NFIC: variants seen among roughly 807,000 people sequenced by gnomAD.
NFIC encodes the protein nuclear factor 1 C-type.
In NFIC, 12 loss-of-function variants were observed where a neutral mutation model predicts 54.4. The observed-to-expected ratio is 0.22, with a 90% confidence interval of 0.14 to 0.36. The LOEUF is 0.36. Ranked by LOEUF, NFIC falls within the 10% of genes least tolerant of loss-of-function variation. The pLI is 1.00. For synonymous variants in NFIC, 322 were observed against 319.2 expected, an observed-to-expected ratio of 1.01 and a Z score of -0.09; for missense variants, 575 against 718.2, an observed-to-expected ratio of 0.80 and a Z score of 2.28.
intron 2 of NFIC, among the ~76,000 whole-genome samples, chr19:3,388,950 A>G (rs972639276): frequency 1.3e-5 from 2 of 152,170 alleles, no homozygotes; most frequent in African/African-American, 4.8e-5. Context: ...GGTTGCAGCG[A>G]GCTGAGCTCA....
chr19:3,389,010 A>G (rs2081340606), intron 2 of NFIC, among the ~76,000 whole-genome samples: 1 of 152,130 alleles, frequency 6.6e-6, no homozygotes, highest in Non-Finnish European at 1.5e-5. Context: ...GTCTCCAATA[A>G]AAGGGAGGTG....
intron 1 of NFIC, among the ~76,000 whole-genome samples, chr19:3,372,937 C>A (rs867398601): frequency 2.6e-5 from 4 of 152,082 alleles, no homozygotes; most frequent in Non-Finnish European, 5.9e-5. Context: ...CTCCGCCTCC[C>A]GGGTTCAAGC....
At position 3,468,311 on chromosome 19, in the gene NFIC, C is replaced by G. The variant is rs1349700184; in HGVS notation, c.*5542C>G. 1 of 152,008 alleles carries G rather than the reference C, an allele frequency of 6.6e-6. No homozygotes were observed. The highest frequency in any genetic ancestry group is 6.6e-5 in the Admixed American group (1 of 15,216). The allele number at this position is 152,008 out of a possible 1,614,324, so 9.4% of individuals were successfully genotyped here. A position where few individuals can be genotyped will look rare whatever the true frequency, so the allele number is the denominator to read the frequency against. On this transcript the variant is annotated 3_prime_UTR_variant, in exon 11 of 11. Coordinates refer to ENST00000443272, the MANE Select transcript of NFIC (RefSeq NM_001245002.2). ...GAAGTCATGCACCCCCAAGCCACCA[C>G]CCCCCAGCCTTCCACGCACATCTCC...
chr19:3,466,042 AC>A lies in NFIC; in HGVS notation c.*3274del, dbSNP rs1449219418. The A allele has an allele frequency of 1.3e-5, 2 of 152,078 alleles. No individual in the cohort carries two copies. Among genetic ancestry groups the A allele is most frequent in the African/African-American group, 2.4e-5 (1 of 41,386 alleles). The allele number at this position is 152,078 out of a possible 1,614,324, so 9.4% of individuals were successfully genotyped here. ...GAAGGGTATCCTGTATGAAACAAAA[AC>A]AAAACCTGATATATGCAATATCTGT... On this transcript the variant is annotated 3_prime_UTR_variant, in exon 11 of 11. Coordinates refer to ENST00000443272, the MANE Select transcript of NFIC (RefSeq NM_001245002.2). This position sits in a 1 kb window ranked among gnomAD's most constrained non-coding sequence, Gnocchi z 4.8.
At chr19:3,361,958 G>A (rs766704064), upstream of NFIC, among the ~76,000 whole-genome samples, 33 of 152,238 alleles carry the variant, frequency 2.2e-4, no homozygotes, top group Non-Finnish European at 2.4e-4. Context: ...AGAGACAGAC[G>A]TCACACACAC....
At chr19:3,436,764 T>C (rs746552051) in intron 6 of NFIC, among the ~76,000 whole-genome samples, 66 of 152,030 alleles carry the variant, frequency 4.3e-4, no homozygotes, top group Non-Finnish European at 8.2e-4. Flanking sequence ...TGTGAGCCAC[T>C]GCTCCCGGCC....
intron 1 of NFIC, chr19:3,359,750 G>A: frequency 7.3e-7 from 1 of 1,368,658 alleles, no homozygotes; most frequent in Non-Finnish European, 9.6e-7. Flanking sequence ...TGGGCTCCGG[G>A]CGAAAGTTGC....
At chr19:3,416,207 A>T (rs1276722431) in intron 2 of NFIC, among the ~76,000 whole-genome samples, 2 of 150,412 alleles carry the variant, frequency 1.3e-5, no homozygotes, top group East Asian at 3.9e-4. Context: ...CCCCATAAAG[A>T]GCCCTTTTAA....
In NFIC at chr19:3,463,907, C is replaced by G. The variant is rs1336198406; in HGVS notation, c.*1138C>G. 8.2e-6 allele frequency: 8 copies of G among 970,896 alleles called. No homozygotes were observed. Among genetic ancestry groups the G allele is most frequent in the Middle Eastern group, 1.1e-3 (2 of 1,902 alleles). The allele number at this position is 970,896 out of a possible 1,614,324, so 60.1% of individuals were successfully genotyped here. A position where few individuals can be genotyped will look rare whatever the true frequency, so the allele number is the denominator to read the frequency against. On this transcript the variant is annotated 3_prime_UTR_variant, in exon 11 of 11. Transcript: ENST00000443272. ...ACGGAATGGCCGCGGGCCTCCTCCCCCTCCCCTCCAGCCTCTCCACCAGCC... is the reference window on the plus strand; with the variant it reads ...ACGGAATGGCCGCGGGCCTCCTCCCGCTCCCCTCCAGCCTCTCCACCAGCC...
In NFIC at chr19:3,463,018, A is replaced by G; in HGVS notation, c.*249A>G. The G allele has an allele frequency of 7.3e-7, 1 of 1,364,788 alleles. No homozygotes were observed. The highest frequency in any genetic ancestry group is 9.4e-7 in the Non-Finnish European group (1 of 1,063,676). The allele number at this position is 1,364,788 out of a possible 1,614,324, so 84.5% of individuals were successfully genotyped here. Reference sequence around the variant, plus strand: ...GCAAGAAGACAAAAGGTAAAGACGCAACGTTTCCAACTCTCGGGACGCCAA... The same window carrying G: ...GCAAGAAGACAAAAGGTAAAGACGCGACGTTTCCAACTCTCGGGACGCCAA... On this transcript the variant is annotated 3_prime_UTR_variant, in exon 11 of 11. Coordinates refer to ENST00000443272, the MANE Select transcript of NFIC (RefSeq NM_001245002.2).
At chr19:3,359,646 C>A (rs1270012821), upstream of NFIC, 12 of 1,360,870 alleles carry the variant, frequency 8.8e-6, no homozygotes, top group Admixed American at 2.6e-4. Context: ...CGAGCGCGCT[C>A]GCTCCGGCGC....
chr19:3,449,192 C>G, intron 7 of NFIC, 53 bp downstream of exon 7: 2 of 1,577,196 alleles, frequency 1.3e-6, no homozygotes, highest in Admixed American at 3.8e-5. Flanking sequence ...CCTATCAGGC[C>G]TCTCACAGCC....
chr19:3,442,153 G>A (rs1347093402), intron 6 of NFIC, among the ~76,000 whole-genome samples: 2 of 152,188 alleles, frequency 1.3e-5, no homozygotes, highest in African/African-American at 4.8e-5. Context: ...TGGGGCCTGG[G>A]CCAGGCCCTT....
At chr19:3,379,869 AC>A (rs1371969247) in intron 1 of NFIC, among the ~76,000 whole-genome samples, 1 of 150,136 alleles carries the variant, frequency 6.7e-6, no homozygotes, top group Non-Finnish European at 1.5e-5. Context: ...TTTTGTAGAA[AC>A]GGGGCCTCGC....
rs1467058241 is a variant in NFIC at position 3,370,488 on chromosome 19, T to C, written c.30+3822T>C. 6.6e-6 allele frequency among the ~76,000 whole-genome samples: 1 copy of C among 151,604 alleles called. No homozygotes were observed. The highest frequency in any genetic ancestry group is 1.5e-5 in the Non-Finnish European group (1 of 67,886). On this transcript the variant is annotated intron_variant, in intron 1 of 10. Transcript: ENST00000443272. The surrounding 1 kb of genome is among the most constrained non-coding windows in gnomAD (Gnocchi z 5.2). ...GGCAGAGTCAGCGTTCTCCTCTCTC[T>C]CTCTCTCTCTCTCTGTCTCCCTCCC...
At chr19:3,398,858 G>C (rs1031529130) in intron 2 of NFIC, among the ~76,000 whole-genome samples, 1 of 152,220 alleles carries the variant, frequency 6.6e-6, no homozygotes, top group African/African-American at 2.4e-5. Flanking sequence ...GGCGTCCCCC[G>C]CGGCTCCCTC....
intron 2 of NFIC, among the ~76,000 whole-genome samples, chr19:3,423,730 G>A (rs572956137): frequency 5.6e-4 from 86 of 152,280 alleles, no homozygotes; most frequent in Non-Finnish European, 1.1e-3. Context: ...AGGGGCGGGC[G>A]CCGGGGCAGA....
chr19:3,452,423 G>A lies in NFIC; in HGVS notation c.1085-59G>A. ...ACACCCACAGACACACAGTCACACG[G>A]TCACAGAGCAGACCGGCTGGAGCCC... On this transcript the variant is annotated intron_variant, in intron 7 of 10. Coordinates refer to ENST00000443272, the MANE Select transcript of NFIC (RefSeq NM_001245002.2). The surrounding 1 kb of genome is among the most constrained non-coding windows in gnomAD (Gnocchi z 5.3). The A allele has an allele frequency of 6.3e-7, 1 of 1,591,506 alleles. No individual in the cohort carries two copies. The highest frequency in any genetic ancestry group is 8.5e-7 in the Non-Finnish European group (1 of 1,170,244).
chr19:3,404,323 A>T (rs997027275), intron 2 of NFIC, among the ~76,000 whole-genome samples: 1 of 151,096 alleles, frequency 6.6e-6, no homozygotes, highest in African/African-American at 2.4e-5. Flanking sequence ...CGGGACCGGG[A>T]GGGGGTGGGG....
Sources: allele counts gnomAD v4.1 joint callset (sites outside exome capture counted in the v4.1 genomes callset), GRCh38; gene constraint gnomAD v4.1.1; non-coding constraint Gnocchi (gnomAD v3.1); transcripts MANE v1.5; gene names NCBI Gene and HGNC (gene_info 2026-07-23, HGNC 2026-07-21).